The following CACNA1C variants were observed in gnomAD, a reference collection of about 807,000 sequenced individuals.
CACNA1C encodes calcium voltage-gated channel subunit alpha1 C, also known as voltage-dependent L-type calcium channel subunit alpha-1C.
A neutral mutation model predicts 229.0 loss-of-function variants in CACNA1C; 30 were observed. The observed-to-expected ratio is 0.13, with a 90% CI of 0.10 to 0.18. The LOEUF (loss-of-function observed/expected upper bound fraction) is 0.18. Among genes scored for constraint, CACNA1C ranks in the 10% least tolerant of loss-of-function variants. CACNA1C has a pLI of 1.00. For synonymous variants in CACNA1C, 1,114 were observed against 1,132.5 expected, an observed-to-expected ratio of 0.98 and a Z score of 0.33; for missense variants, 1,658 against 2,845.0, an observed-to-expected ratio of 0.58 and a Z score of 9.49.
At chr12:2,656,822 C>T (rs755054905) in intron 34 of CACNA1C, among the ~76,000 whole-genome samples, 1 of 152,144 alleles carries the variant, frequency 6.6e-6, no homozygotes, top group African/African-American at 2.4e-5. Flanking sequence ...CAAGAACACA[C>T]AGTGGAGAAA....
chr12:2,656,502 T>C (rs2095430513), intron 34 of CACNA1C, among the ~76,000 whole-genome samples: 1 of 152,234 alleles, frequency 6.6e-6, no homozygotes, highest in South Asian at 2.1e-4. Flanking sequence ...ATGACCATAC[T>C]ACCCAAAGCA....
At chr12:2,454,159 C>CTTGAGT (rs1369355736) in intron 4 of CACNA1C, among the ~76,000 whole-genome samples, 7 of 152,180 alleles carry the variant, frequency 4.6e-5, no homozygotes, top group Non-Finnish European at 8.8e-5. Context: ...TTTGAGTCAC[C>CTTGAGT]CCTCCTTGTG....
At chr12:2,531,488 C>G (rs1304941805) in intron 9 of CACNA1C, among the ~76,000 whole-genome samples, 3 of 152,328 alleles carry the variant, frequency 2.0e-5, no homozygotes, top group East Asian at 3.9e-4. Flanking sequence ...GTTAATCTTT[C>G]TGCATTCCAA....
chr12:2,591,404 G>A (rs1306558792), intron 18 of CACNA1C, among the ~76,000 whole-genome samples: 1 of 152,104 alleles, frequency 6.6e-6, no homozygotes, highest in Non-Finnish European at 1.5e-5. Flanking sequence ...TCATCATCAA[G>A]AAATAAGGGC....
intron 29 of CACNA1C, among the ~76,000 whole-genome samples, chr12:2,621,652 G>A (rs926653315): frequency 6.6e-6 from 1 of 152,216 alleles, no homozygotes; most frequent in African/African-American, 2.4e-5. Context: ...AAGGCAGGTG[G>A]CAGTGGAAGA....
At chr12:2,672,461 A>G (rs2096608452) in intron 38 of CACNA1C, among the ~76,000 whole-genome samples, 1 of 152,242 alleles carries the variant, frequency 6.6e-6, no homozygotes, top group African/African-American at 2.4e-5. Context: ...CTCTCAGTTT[A>G]GGAGACCAGA....
rs78065395 is a variant in CACNA1C, at chr12:2,173,146, C to A, written c.477+52716C>A. Among the ~76,000 whole-genome samples the A allele has an allele frequency of 6.3e-3, 965 of 152,272 alleles. 17 individuals carry two copies. The highest frequency in any genetic ancestry group is 0.022 in the African/African-American group (929 of 41,552). ...TTGGCCCTAACCCAGGTCCACTTCA[C>A]TGCCCTGAGAGATGTAGTGGGATGA... On this transcript the variant is annotated intron_variant, in intron 3 of 46. Coordinates refer to ENST00000399655, the MANE Select transcript of CACNA1C (RefSeq NM_000719.7).
At chr12:2,543,367 T>C (rs540668290) in intron 9 of CACNA1C, among the ~76,000 whole-genome samples, 1 of 152,312 alleles carries the variant, frequency 6.6e-6, no homozygotes, top group East Asian at 1.9e-4. Context: ...AACTCATCAT[T>C]TGAATGGCCA....
chr12:2,129,024 GC>G (rs2091329154), intron 3 of CACNA1C, among the ~76,000 whole-genome samples: 1 of 152,184 alleles, frequency 6.6e-6, no homozygotes, highest in South Asian at 2.1e-4. Flanking sequence ...GTGGTAAGGT[GC>G]TCCGTGAGTC....
chr12:2,241,736 G>A (rs911289426), intron 3 of CACNA1C, among the ~76,000 whole-genome samples: 14 of 152,156 alleles, frequency 9.2e-5, no homozygotes, highest in African/African-American at 2.7e-4. Context: ...CATTCATGGG[G>A]GAATTTTGTG....
At position 2,452,958 on chromosome 12, in the gene CACNA1C, C is replaced by T. The variant is rs532653385; in HGVS notation, c.617+3843C>T. ...TCCCTTGTGGAGAAAGAAGCCCACT[C>T]CCCCATCCTGGCAACTTCTGCCTGG... On this transcript the variant is annotated intron_variant, in intron 4 of 46. Transcript: ENST00000399655. Among the ~76,000 whole-genome samples, 11 of 152,292 alleles carry T rather than the reference C, an allele frequency of 7.2e-5. No individual in the cohort carries two copies. In the East Asian group the frequency reaches 1.7e-3, roughly 24 times the overall value.
At chr12:2,544,869 A>G (rs931900902) in intron 9 of CACNA1C, among the ~76,000 whole-genome samples, 11 of 152,198 alleles carry the variant, frequency 7.2e-5, no homozygotes, top group African/African-American at 2.7e-4. Flanking sequence ...ATTGTTGTGG[A>G]AAAGAATTGA....
At chr12:2,159,418 C>T (rs2095718951) in intron 3 of CACNA1C, among the ~76,000 whole-genome samples, 1 of 152,026 alleles carries the variant, frequency 6.6e-6, no homozygotes, top group South Asian at 2.1e-4. Flanking sequence ...TTGCTTGAGT[C>T]TGGGAGGTTG....
intron 10 of CACNA1C, among the ~76,000 whole-genome samples, chr12:2,553,884 A>G (rs936697692): frequency 2.3e-4 from 35 of 152,336 alleles, no homozygotes; most frequent in African/African-American, 8.2e-4. Context: ...AGTGGAAGCA[A>G]TTCTATGCCG....
At chr12:2,572,310 TCCTC>T (rs2055047853) in intron 13 of CACNA1C, among the ~76,000 whole-genome samples, 1 of 145,992 alleles carries the variant, frequency 6.8e-6, no homozygotes. Flanking sequence ...CTCCTCCTCC[TCCTC>T]CTCCTCTTCC....
chr12:2,681,309 C>G (rs1192246560), intron 42 of CACNA1C, among the ~76,000 whole-genome samples: 2 of 152,226 alleles, frequency 1.3e-5, no homozygotes, highest in African/African-American at 2.4e-5. Context: ...ATGCAAAGCA[C>G]CCGGCACAGT....
intron 3 of CACNA1C, among the ~76,000 whole-genome samples, chr12:2,218,267 G>T (rs538563859): frequency 1.3e-5 from 2 of 152,282 alleles, no homozygotes; most frequent in South Asian, 2.1e-4. Flanking sequence ...TCTCCTGCAG[G>T]TTAATCATCA....
At chr12:2,464,882 A>G (rs1355021600) in intron 5 of CACNA1C, among the ~76,000 whole-genome samples, 1 of 152,196 alleles carries the variant, frequency 6.6e-6, no homozygotes, top group African/African-American at 2.4e-5. Context: ...TAGTAGACAA[A>G]TATCTGTGGA....
At chr12:2,105,489 G>A (rs2077897729) in intron 1 of CACNA1C, among the ~76,000 whole-genome samples, 2 of 152,354 alleles carry the variant, frequency 1.3e-5, no homozygotes, top group South Asian at 4.1e-4. Flanking sequence ...ACAGAATGCT[G>A]CTGGAAATGG....
Sources: allele counts gnomAD v4.1 joint callset (sites outside exome capture counted in the v4.1 genomes callset), GRCh38; gene constraint gnomAD v4.1.1; transcripts MANE v1.5; gene names NCBI Gene and HGNC (gene_info 2026-07-23, HGNC 2026-07-21).